Variants in CCDC102B observed in about 807,000 individuals in gnomAD.
CCDC102B encodes the protein coiled-coil domain-containing protein 102B.
CCDC102B carries 75 observed loss-of-function variants against 57.4 expected under a neutral mutation model. That is an observed-to-expected ratio of 1.31 (90% CI 1.08 to 1.58). CCDC102B has a LOEUF of 1.58. Ranked by LOEUF, CCDC102B falls within the 40% of genes most tolerant of loss-of-function variation. CCDC102B has a pLI of 0.00. For synonymous variants in CCDC102B, 206 were observed against 201.9 expected (o/e 1.02, Z -0.17); for missense variants, 636 against 582.6 (o/e 1.09, Z -0.94).
intron 4 of CCDC102B, among the ~76,000 whole-genome samples, chr18:68,868,079 GA>G (rs1007220163): frequency 8.0e-5 from 12 of 149,986 alleles, no homozygotes; most frequent in Non-Finnish European, 1.2e-4. Context: ...TGCATTTCCA[GA>G]AAAAAAAACT....
chr18:68,921,340 C>T (rs1366318282), intron 6 of CCDC102B, among the ~76,000 whole-genome samples: 1 of 151,974 alleles, frequency 6.6e-6, no homozygotes, highest in Non-Finnish European at 1.5e-5. Context: ...GAGGAGTTTC[C>T]CCACACAAGC....
chr18:68,761,673 A>G (rs1042922573), intron 2 of CCDC102B, among the ~76,000 whole-genome samples: 1 of 152,098 alleles, frequency 6.6e-6, no homozygotes, highest in Non-Finnish European at 1.5e-5. Context: ...TTATATAACT[A>G]CACTAGATTC....
intron 2 of CCDC102B, chr18:68,721,529 A>G (rs1438011813): frequency 6.6e-6 from 1 of 152,214 alleles, no homozygotes; most frequent in African/African-American, 2.4e-5. Context: ...AGCTTCATCC[A>G]GAAAAAATAA....
chr18:68,991,660 G>T (rs951761060), intron 6 of CCDC102B, among the ~76,000 whole-genome samples: 3 of 152,160 alleles, frequency 2.0e-5, no homozygotes, highest in African/African-American at 4.8e-5. Flanking sequence ...GCAAAATGCT[G>T]CATGAATGCT....
At chr18:68,847,628 A>G (rs2037932245) in intron 4 of CCDC102B, among the ~76,000 whole-genome samples, 1 of 151,840 alleles carries the variant, frequency 6.6e-6, no homozygotes, top group South Asian at 2.1e-4. Flanking sequence ...TTGGTAGCAA[A>G]GTAAGTGAGA....
intron 2 of CCDC102B, among the ~76,000 whole-genome samples, chr18:68,782,649 T>TTGGAAA (rs1220303099): frequency 2.8e-4 from 42 of 152,294 alleles, no homozygotes; most frequent in African/African-American, 9.4e-4. Context: ...CACTCTCTAA[T>TTGGAAA]TTCCAGTAGT....
At chr18:68,756,323 A>G (rs2034048963) in intron 2 of CCDC102B, among the ~76,000 whole-genome samples, 1 of 152,178 alleles carries the variant, frequency 6.6e-6, no homozygotes, top group Admixed American at 6.6e-5. Context: ...CAATAAATAG[A>G]TGGTTCTCTG....
At chr18:68,860,928 C>A (rs1317803870) in intron 4 of CCDC102B, among the ~76,000 whole-genome samples, 1 of 147,368 alleles carries the variant, frequency 6.8e-6, no homozygotes, top group African/African-American at 2.5e-5. Flanking sequence ...TCCTGGCGCC[C>A]AACTGCTTGA....
intron 2 of CCDC102B, chr18:68,734,635 A>AT (rs1319985932): frequency 1.3e-5 from 2 of 152,050 alleles, no homozygotes; most frequent in African/African-American, 4.8e-5. Context: ...ATCCTTGTTT[A>AT]TTTTTTTCAT....
chr18:68,901,173 C>T (rs1400600191), intron 6 of CCDC102B, among the ~76,000 whole-genome samples: 1 of 152,166 alleles, frequency 6.6e-6, no homozygotes, highest in African/African-American at 2.4e-5. Flanking sequence ...ATATAAGTTA[C>T]TTGATGTGCG....
chr18:69,044,811 T>C (rs191887533), intron 7 of CCDC102B, among the ~76,000 whole-genome samples: 1 of 152,208 alleles, frequency 6.6e-6, no homozygotes, highest in African/African-American at 2.4e-5. Context: ...TTTTACTTTG[T>C]ATATATTGTA....
intron 1 of CCDC102B, among the ~76,000 whole-genome samples, chr18:68,822,628 ACT>A (rs1487653719): frequency 1.3e-5 from 2 of 151,612 alleles, no homozygotes; most frequent in Non-Finnish European, 2.9e-5. Context: ...TAGTTTTTCA[ACT>A]CCCCTCCTCC....
At chr18:68,852,359 G>C (rs1258736699) in intron 4 of CCDC102B, among the ~76,000 whole-genome samples, 1 of 152,126 alleles carries the variant, frequency 6.6e-6, no homozygotes, top group Non-Finnish European at 1.5e-5. Flanking sequence ...ATCTGTGGGG[G>C]ATTGTTTCCA....
intron 5 of CCDC102B, among the ~76,000 whole-genome samples, chr18:68,880,215 A>ACCCT (rs2039634337): frequency 6.6e-6 from 1 of 152,148 alleles, no homozygotes; most frequent in African/African-American, 2.4e-5. Context: ...GACCCAGTAC[A>ACCCT]CCCTCCACAG....
At chr18:68,786,321 G>A (rs1391733690) in intron 2 of CCDC102B, among the ~76,000 whole-genome samples, 2 of 148,706 alleles carry the variant, frequency 1.3e-5, no homozygotes, top group Non-Finnish European at 3.0e-5. Flanking sequence ...CTCTTTTTTG[G>A]TTCCATATGA....
At chr18:68,900,873 A>G (rs35991208) in intron 6 of CCDC102B, among the ~76,000 whole-genome samples, 40,246 of 152,004 alleles carry the variant, frequency 0.26, 6,269 homozygotes, top group Non-Finnish European at 0.35. Context: ...CTAGGCACCC[A>G]ATAATGCCAA....
At chr18:68,906,521 T>G (rs1291460504) in intron 6 of CCDC102B, among the ~76,000 whole-genome samples, 5 of 152,204 alleles carry the variant, frequency 3.3e-5, no homozygotes, top group African/African-American at 1.2e-4. Flanking sequence ...TGTTTTTTAT[T>G]TTTGAATTAT....
chr18:68,762,715 G>T (rs1468669626), intron 2 of CCDC102B, among the ~76,000 whole-genome samples: 1 of 152,188 alleles, frequency 6.6e-6, no homozygotes, highest in African/African-American at 2.4e-5. Flanking sequence ...ATACTGTGAA[G>T]AAGGAAAACA....
chr18:68,898,887 A>G (rs1373489896), intron 6 of CCDC102B, among the ~76,000 whole-genome samples: 1 of 152,122 alleles, frequency 6.6e-6, no homozygotes. Flanking sequence ...GTATTAATAT[A>G]AAGTATATCT....
Sources: allele counts gnomAD v4.1 joint callset (sites outside exome capture counted in the v4.1 genomes callset), GRCh38; gene constraint gnomAD v4.1.1; transcripts MANE v1.5; gene names NCBI Gene and HGNC (gene_info 2026-07-23, HGNC 2026-07-21).